Variants in WDR81 observed in about 807,000 individuals in gnomAD.
WDR81 encodes the protein WD repeat-containing protein 81.
In WDR81, 92 loss-of-function variants were observed where a neutral mutation model predicts 140.8. That is an observed-to-expected ratio of 0.65 (90% CI 0.55 to 0.78). The LOEUF (loss-of-function observed/expected upper bound fraction) is 0.78, where lower values mean the gene tolerates loss of function less well. Among genes scored for constraint, WDR81 ranks in the 30% least tolerant of loss-of-function variants. The pLI, the probability that WDR81 is intolerant of heterozygous loss-of-function variation, is 0.00. For missense variants in WDR81, 2,502 were observed against 2,636.4 expected, an observed-to-expected ratio of 0.95 and a Z score of 1.12; for synonymous variants, 1,183 against 1,156.4, an observed-to-expected ratio of 1.02 and a Z score of -0.47.
Position 1,724,928 on chromosome 17 carries a change from GC to G in WDR81, c.-28del, listed in dbSNP as rs1249881544. On this transcript the variant is annotated 5_prime_UTR_variant, in exon 1 of 10. Coordinates refer to ENST00000409644, the MANE Select transcript of WDR81 (RefSeq NM_001163809.2). Reference sequence around the variant, plus strand: ...GCCAGCAGGGCCGTGGCTGGGCTCAGCCCCGCGCTGCCCCCGGGCGGCCTGG... The same window carrying G: ...GCCAGCAGGGCCGTGGCTGGGCTCAGCCCGCGCTGCCCCCGGGCGGCCTGG... The G allele has an allele frequency of 4.3e-6, 6 of 1,379,848 alleles. No homozygotes were observed. The highest frequency in any genetic ancestry group is 5.6e-6 in the Non-Finnish European group (6 of 1,072,302). The allele number at this position is 1,379,848 out of a possible 1,614,324, so 85.5% of individuals were successfully genotyped here.
Position 1,735,549 on chromosome 17 carries a change from T to C in WDR81, c.5180-23T>C. The C allele has an allele frequency of 6.3e-7, 1 of 1,576,176 alleles. No homozygotes were observed. Among genetic ancestry groups the C allele is most frequent in the Non-Finnish European group, 8.6e-7 (1 of 1,158,950 alleles). On this transcript the variant is annotated intron_variant, in intron 7 of 9. Transcript: ENST00000409644. The surrounding 1 kb of genome is among the most constrained non-coding windows in gnomAD (Gnocchi z 4.2). Reference sequence around the variant, plus strand: ...TTCCGTCAGCTGCTGGGACCCCAGATCCACTGTGACTTTCCTTCCCAGGGA... The same window carrying C: ...TTCCGTCAGCTGCTGGGACCCCAGACCCACTGTGACTTTCCTTCCCAGGGA...
At chr17:1,729,107 G>T (rs769849581) in intron 1 of WDR81, among the ~76,000 whole-genome samples, 2 of 152,184 alleles carry the variant, frequency 1.3e-5, no homozygotes, top group Non-Finnish European at 2.9e-5. Context: ...ACGAGATGCC[G>T]CAGTGCAGAC....
chr17:1,727,162 G>A lies in WDR81; in HGVS notation c.2203G>A (p.Glu735Lys). 1 of 1,547,966 alleles carries A rather than the reference G, an allele frequency of 6.5e-7. No homozygotes were observed. Among genetic ancestry groups the A allele is most frequent in the Non-Finnish European group, 8.7e-7 (1 of 1,145,258 alleles). The change falls in exon 1 of 10, where the codon GAG becomes AAG. Residue 735 changes from glutamate to lysine, a missense_variant. This residue lies in a region of WDR81 where 1,737 missense variants were observed against 1,843.0 expected (regional missense o/e 0.94). Transcript: ENST00000409644. ...TCCCATGCAGGCCCTGGAGGAGCTG[G>A]AGAAAACGGGCAACTTCTTGGCCAA... ...FNPMQALEEL[E>K]KTGNFLAKGL...
In WDR81 at chr17:1,736,133, C is replaced by T. The variant is rs1354502505; in HGVS notation, c.5420C>T (p.Ser1807Leu). The T allele has an allele frequency of 6.2e-7, 1 of 1,602,498 alleles. No homozygotes were observed. Among genetic ancestry groups the T allele is most frequent in the East Asian group, 2.2e-5 (1 of 44,876 alleles). ...SGRSVVAGFS[S>L]GFMVLLDTRT... is the part of the protein sequence containing the mutation. ...CGTAGTGTCGTGGCCGGCTTCTCCTCAGGCTTCATGGTGCTCCTGGACACC... is the reference window on the plus strand; with the variant it reads ...CGTAGTGTCGTGGCCGGCTTCTCCTTAGGCTTCATGGTGCTCCTGGACACC... Residue 1807 changes from serine to leucine, a missense_variant, in exon 9 of 10, where the codon TCA (serine) becomes TTA (leucine). Physicochemically the swap from Ser to Leu is moderately radical, Grantham distance 145. Coordinates refer to ENST00000409644, the MANE Select transcript of WDR81 (RefSeq NM_001163809.2).
rs199995527 is a variant in WDR81, at chr17:1,730,833, C to T, written c.3854C>T (p.Pro1285Leu). 2.5e-4 allele frequency: 407 copies of T among 1,612,706 alleles called. 2 individuals are homozygous for T. The highest frequency in any genetic ancestry group is 2.2e-3 in the South Asian group (201 of 91,090). ...LSAGNIYQKR[P>L]VLGDIVSGPV... ...GCCGGCAACATCTACCAGAAGAGGC[C>T]GGTCCTGGGCGACATCGTGTCAGGG... The change falls in exon 3 of 10, where the codon CCG becomes CTG. Residue 1285 changes from proline (P) to leucine (L), a missense_variant. By Grantham distance (98) the Pro-to-Leu change is moderately conservative (BLOSUM62 -3). This residue lies in a region of WDR81 where 1,737 missense variants were observed against 1,843.0 expected (regional missense o/e 0.94). Transcript: ENST00000409644.
Position 1,727,404 on chromosome 17 carries a change from T to C in WDR81, c.2445T>C (p.Pro815=). 2 of 1,550,334 alleles carry C rather than the reference T, an allele frequency of 1.3e-6. No individual in the cohort carries two copies. The highest frequency in any genetic ancestry group is 1.7e-6 in the Non-Finnish European group (2 of 1,146,972). Residue 815 remains proline, a synonymous_variant, in exon 1 of 10, where the codon CCT becomes CCC. Coordinates refer to ENST00000409644, the MANE Select transcript of WDR81 (RefSeq NM_001163809.2). ...GCACGCGCCACCCCAAGGAGGTCCC[T>C]GTGTCTTTGCAGCCCGTGCTGGACA... ...GLCTRHPKEV[P]VSLQPVLDTL... is the part of the protein sequence containing the mutation.
intron 1 of WDR81, chr17:1,716,675 G>A: frequency 6.5e-7 from 1 of 1,550,156 alleles, no homozygotes; most frequent in Non-Finnish European, 8.7e-7. Flanking sequence ...TCCAGCCCGG[G>A]GAAGTCCTTA....
chr17:1,727,828 A>T lies in WDR81; in HGVS notation c.2869A>T (p.Asn957Tyr), dbSNP rs943017097. ...EPVAKALGPK[N>Y]ANKYLLKPLI... ...TGTTGCCAAGGCACTGGGCCCCAAA[A>T]ATGCCAATAAGTACCTCCTGAAGCC... is the stretch of plus-strand genomic sequence containing the variant. Residue 957 changes from asparagine to tyrosine, a missense_variant, in exon 1 of 10, where the codon AAT becomes TAT. Around this residue, in one of 3 missense-constraint regions of WDR81, gnomAD observed 1,737 missense variants for 1,843.0 expected, o/e 0.94. Coordinates refer to ENST00000409644, the MANE Select transcript of WDR81 (RefSeq NM_001163809.2). The T allele has an allele frequency of 9.0e-6, 14 of 1,550,508 alleles. 1 individual carries two copies. Among genetic ancestry groups the T allele is most frequent in the Admixed American group, 2.0e-5 (1 of 50,984 alleles).
chr17:1,728,705 A>G, intron 1 of WDR81, 79 bp downstream of exon 1: 11 of 1,392,632 alleles, frequency 7.9e-6, no homozygotes, highest in Non-Finnish European at 1.0e-5. Flanking sequence ...CTGTATTCCC[A>G]GCACTTTGGG....
At position 1,736,322 on chromosome 17, in the gene WDR81, T is replaced by G. The variant is rs1024633568; in HGVS notation, c.5505+104T>G. 16 of 1,347,628 alleles carry G rather than the reference T, an allele frequency of 1.2e-5. No individual in the cohort carries two copies. The Middle Eastern group carries it at 7.8e-4, about 65-fold the overall frequency. 83.5% of individuals were successfully genotyped at this position (1,347,628 alleles called of 1,614,324 possible). A position where few individuals can be genotyped will look rare whatever the true frequency, so the allele number is the denominator to read the frequency against. ...GCCCGGGTTCAGGCTCGAACTGGTCTGTCTTATATACCTGGTCCAGGACTA... is the reference window on the plus strand; with the variant it reads ...GCCCGGGTTCAGGCTCGAACTGGTCGGTCTTATATACCTGGTCCAGGACTA... On this transcript the variant is annotated intron_variant, in intron 9 of 9. Coordinates refer to ENST00000409644, the MANE Select transcript of WDR81 (RefSeq NM_001163809.2).
In WDR81 at chr17:1,728,491, G is replaced by T. The variant is rs151330612; in HGVS notation, c.3532G>T (p.Ala1178Ser). The change falls in exon 1 of 10, where the codon GCA (alanine) becomes TCA (serine). Residue 1178 changes from alanine to serine, a missense_variant. Around this residue, in one of 3 missense-constraint regions of WDR81, gnomAD observed 1,737 missense variants for 1,843.0 expected, o/e 0.94. Transcript: ENST00000409644. The part of the protein sequence containing the change: ...EEGEQEEVTG[A>S]SELTLSDTVL... ...GGGGGAGCAGGAGGAGGTCACCGGG[G>T]CATCTGAGCTCACTCTGTCTGACAC... The T allele has an allele frequency of 6.3e-7, 1 of 1,598,808 alleles. No homozygotes were observed. The highest frequency in any genetic ancestry group is 1.1e-5 in the South Asian group (1 of 89,788).
Position 1,734,110 on chromosome 17 carries a change from C to G in WDR81, c.5073C>G (p.Leu1691=), listed in dbSNP as rs753961222. 14 of 1,522,732 alleles carry G rather than the reference C, an allele frequency of 9.2e-6. No individual in the cohort carries two copies. In the South Asian group the frequency reaches 1.6e-4, roughly 18 times the overall value. The allele number at this position is 1,522,732 out of a possible 1,614,324, so 94.3% of individuals were successfully genotyped here. A position where few individuals can be genotyped will look rare whatever the true frequency, so the allele number is the denominator to read the frequency against. The change falls in exon 7 of 10, where the codon CTC becomes CTG. Residue 1691 remains leucine, a synonymous_variant. Coordinates refer to ENST00000409644, the MANE Select transcript of WDR81 (RefSeq NM_001163809.2). ...GGACCAGCGAGACGGCCCCACGCCT[C>G]GTCTACACCCAGCACCGCAAGAGCG... ...GDGTSETAPR[L]VYTQHRKSVF... is the part of the protein sequence containing the mutation.
chr17:1,724,603 G>C (rs1327780937), upstream of WDR81: 3 of 998,188 alleles, frequency 3.0e-6, no homozygotes, highest in East Asian at 2.1e-4. Context: ...AGCAGCGGGA[G>C]GGAGGGCGGG....
chr17:1,732,256 A>G (rs545839876), intron 4 of WDR81, 69 bp from the exon 5 acceptor site: 2 of 1,564,200 alleles, frequency 1.3e-6, no homozygotes, highest in African/African-American at 2.7e-5. Context: ...AAAAATAAAT[A>G]AAGATTTTGC....
intron 1 of WDR81, among the ~76,000 whole-genome samples, chr17:1,729,218 G>A (rs536901846): frequency 6.6e-6 from 1 of 152,322 alleles, no homozygotes; most frequent in African/African-American, 2.4e-5. Flanking sequence ...CGTGGCTCAC[G>A]CCTCTAATCC....
chr17:1,736,081 C>T lies in WDR81; in HGVS notation c.5368C>T (p.Arg1790Cys), dbSNP rs777571265. ...CGGTGGGCTGAACCCTGGGCTTGTC[C>T]GTGCCCTGGCCATCAGCCCCAGTGG... ...LGGGLNPGLV[R>C]ALAISPSGRS... Residue 1790 changes from arginine (R) to cysteine (C), a missense_variant, in exon 9 of 10, where the codon CGT (arginine) becomes TGT (cysteine). By Grantham distance (180) the Arg-to-Cys change is radical (BLOSUM62 -3). Transcript: ENST00000409644. 8.1e-6 allele frequency: 13 copies of T among 1,601,628 alleles called. No individual in the cohort carries two copies. The highest frequency in any genetic ancestry group is 1.3e-5 in the African/African-American group (1 of 75,038).
intron 4 of WDR81, among the ~76,000 whole-genome samples, chr17:1,732,013 C>T (rs1026270146): frequency 6.6e-6 from 1 of 150,794 alleles, no homozygotes; most frequent in Non-Finnish European, 1.5e-5. Context: ...GTGGGTGGAT[C>T]GCTTGAGGTC....
Position 1,734,191 on chromosome 17 carries a change from T to C in WDR81, c.5154T>C (p.Ala1718=). 6.3e-7 allele frequency: 1 copy of C among 1,593,026 alleles called. No homozygotes were observed. Among genetic ancestry groups the C allele is most frequent in the Non-Finnish European group, 8.5e-7 (1 of 1,176,340 alleles). The change falls in exon 7 of 10, where the codon GCT becomes GCC. Residue 1718 remains alanine, a synonymous_variant. Coordinates refer to ENST00000409644, the MANE Select transcript of WDR81 (RefSeq NM_001163809.2). ...AGCACGTGGTGAGCTGTGACGGGGC[T>C]GTGCACGTCTGGGACCCCTTCACAG... ...APQHVVSCDG[A]VHVWDPFTGK... is the part of the protein sequence containing the mutation.
At position 1,724,792 on chromosome 17, in the gene WDR81, C is replaced by A; in HGVS notation, c.-168C>A. On this transcript the variant is annotated 5_prime_UTR_variant, in exon 1 of 10. Coordinates refer to ENST00000409644, the MANE Select transcript of WDR81 (RefSeq NM_001163809.2). ...AGCGCAGGACCCGCGGAGGGGTAAG[C>A]GCGCCCCCCGTCCGCCTCTTCGCCG... is the stretch of plus-strand genomic sequence containing the variant. 1 of 1,180,436 alleles carries A rather than the reference C, an allele frequency of 8.5e-7. No homozygotes were observed. The highest frequency in any genetic ancestry group is 4.2e-5 in the South Asian group (1 of 23,726). The allele number at this position is 1,180,436 out of a possible 1,614,324, so 73.1% of individuals were successfully genotyped here. A position where few individuals can be genotyped will look rare whatever the true frequency, so the allele number is the denominator to read the frequency against.
Sources: gnomAD v4.1 joint callset for allele counts (sites outside exome capture counted in the v4.1 genomes callset) on GRCh38, gnomAD v4.1.1 for gene constraint, gnomAD v4.1.1 regional missense constraint, Gnocchi (gnomAD v3.1) non-coding constraint, MANE v1.5 for transcripts, NCBI Gene and HGNC (gene_info 2026-07-23, HGNC 2026-07-21) for gene names.